The following KCND3 variants were observed in gnomAD, a reference collection of about 807,000 sequenced individuals.
The protein encoded by KCND3 is potassium voltage-gated channel subfamily D member 3.
KCND3 carries 9 observed loss-of-function variants against 51.1 expected under a neutral mutation model. That is an observed-to-expected ratio of 0.18 (90% CI 0.11 to 0.31). The LOEUF (loss-of-function observed/expected upper bound fraction) is 0.31, where lower values mean the gene tolerates loss of function less well. Ranked by LOEUF, KCND3 falls within the 10% of genes least tolerant of loss-of-function variation. The pLI, the probability that KCND3 is intolerant of heterozygous loss-of-function variation, is 1.00. For synonymous variants in KCND3, 349 were observed against 368.0 expected (o/e 0.95, Z 0.59); for missense variants, 526 against 903.8 (o/e 0.58, Z 5.36).
At chr1:111,866,665 G>T (rs1052853873) in intron 2 of KCND3, among the ~76,000 whole-genome samples, 9 of 151,240 alleles carry the variant, frequency 6.0e-5, no homozygotes, top group African/African-American at 2.2e-4. Flanking sequence ...CACAAACGAG[G>T]TGTGACCTGT....
intron 3 of KCND3, among the ~76,000 whole-genome samples, chr1:111,783,632 G>A (rs1018790449): frequency 2.6e-5 from 4 of 152,214 alleles, no homozygotes; most frequent in African/African-American, 9.7e-5. Flanking sequence ...GAAAGAAATG[G>A]AAAGGCCAAA....
At chr1:111,803,589 A>G (rs1665424261) in intron 2 of KCND3, among the ~76,000 whole-genome samples, 1 of 152,094 alleles carries the variant, frequency 6.6e-6, no homozygotes, top group Admixed American at 6.5e-5. Context: ...ATACACTCAC[A>G]CCAGGTCGGA....
intron 2 of KCND3, among the ~76,000 whole-genome samples, chr1:111,900,090 G>T (rs1670313988): frequency 6.6e-6 from 1 of 152,094 alleles, no homozygotes; most frequent in African/African-American, 2.4e-5. Flanking sequence ...ATGGTGCTGG[G>T]GGACTATCTT....
intron 3 of KCND3, among the ~76,000 whole-genome samples, chr1:111,784,103 T>TCTCACACACACA (rs1553236798): frequency 9.9e-4 from 116 of 117,564 alleles, no homozygotes; most frequent in African/African-American, 3.0e-3. Flanking sequence ...CATTAACTTA[T>TCTCACACACACA]CACACACACA....
At chr1:111,962,109 G>A (rs529133068) in intron 2 of KCND3, among the ~76,000 whole-genome samples, 37 of 152,362 alleles carry the variant, frequency 2.4e-4, no homozygotes, top group Admixed American at 8.5e-4. Context: ...GCACGCACAT[G>A]TGCCAGGCCC....
rs144544068 is a variant in KCND3, at chr1:111,835,312, A to C, written c.1107-48206T>G. ...TGATTTTACCAACAGATATTCAGAA[A>C]ATCAGTATTTGTGTCATTTTATGTA... is the stretch of plus-strand genomic sequence containing the variant. On this transcript the variant is annotated intron_variant, in intron 2 of 7. Transcript: ENST00000302127. Among the ~76,000 whole-genome samples, 737 of 152,270 alleles carry C rather than the reference A, an allele frequency of 4.8e-3. 2 individuals are homozygous for C. Among genetic ancestry groups the C allele is most frequent in the South Asian group, 0.012 (60 of 4,822 alleles).
chr1:111,915,682 G>A (rs940898996), intron 2 of KCND3, among the ~76,000 whole-genome samples: 4 of 151,194 alleles, frequency 2.6e-5, no homozygotes, highest in Non-Finnish European at 2.9e-5. Context: ...GAACCCAGGA[G>A]GCGGAGCTTG....
chr1:111,878,962 G>A (rs1055820340), intron 2 of KCND3, among the ~76,000 whole-genome samples: 1 of 152,156 alleles, frequency 6.6e-6, no homozygotes, highest in Admixed American at 6.5e-5. Flanking sequence ...TTAAAGGCCT[G>A]AATAGGACAA....
intron 2 of KCND3, among the ~76,000 whole-genome samples, chr1:111,908,009 G>A (rs1330604094): frequency 6.6e-6 from 1 of 152,098 alleles, no homozygotes; most frequent in Non-Finnish European, 1.5e-5. Flanking sequence ...GTGCCTCCTA[G>A]GGACTAAGGA....
At chr1:111,875,053 G>A (rs138923201) in intron 2 of KCND3, among the ~76,000 whole-genome samples, 3 of 152,292 alleles carry the variant, frequency 2.0e-5, no homozygotes, top group African/African-American at 7.2e-5. Flanking sequence ...CCGAGGAGAC[G>A]CTTTGGTTCC....
At chr1:111,941,939 G>C (rs2995813) in intron 2 of KCND3, among the ~76,000 whole-genome samples, 132,172 of 152,216 alleles carry the variant, frequency 0.87, 57,755 homozygotes, top group Middle Eastern at 0.93. Flanking sequence ...AGAGCCTTGA[G>C]CTGCTGCCAA....
At position 111,818,894 on chromosome 1, in the gene KCND3, G is replaced by A. The variant is rs114238413; in HGVS notation, c.1107-31788C>T. On this transcript the variant is annotated intron_variant, in intron 2 of 7. Coordinates refer to ENST00000302127, the MANE Select transcript of KCND3 (RefSeq NM_001378969.1). Reference sequence around the variant, plus strand: ...GCCCTAAACATTACACTTTTGTCCCGCAAAGAAGAGACCCAAGAAAAGAAA... The same window carrying A: ...GCCCTAAACATTACACTTTTGTCCCACAAAGAAGAGACCCAAGAAAAGAAA... Among the ~76,000 whole-genome samples, 671 of 152,234 alleles carry A rather than the reference G, an allele frequency of 4.4e-3. 6 individuals carry two copies. The highest frequency in any genetic ancestry group is 0.015 in the African/African-American group (630 of 41,524).
chr1:111,904,352 A>G (rs1002070485), intron 2 of KCND3, among the ~76,000 whole-genome samples: 2 of 151,974 alleles, frequency 1.3e-5, no homozygotes, highest in African/African-American at 4.8e-5. Context: ...CCCAAGGCCT[A>G]TGGGTGGGGT....
intron 2 of KCND3, among the ~76,000 whole-genome samples, chr1:111,838,410 C>T (rs987778363): frequency 1.3e-5 from 2 of 152,160 alleles, no homozygotes; most frequent in African/African-American, 4.8e-5. Context: ...GACATCCCAG[C>T]GCGTTGGGAG....
chr1:111,960,214 C>G (rs561592926), intron 2 of KCND3, among the ~76,000 whole-genome samples: 2 of 152,256 alleles, frequency 1.3e-5, no homozygotes, highest in East Asian at 3.9e-4. Flanking sequence ...TGGACCAAAG[C>G]CCTCCATACC....
At chr1:111,781,131 T>C (rs1664365071) in intron 3 of KCND3, among the ~76,000 whole-genome samples, 1 of 152,206 alleles carries the variant, frequency 6.6e-6, no homozygotes, top group South Asian at 2.1e-4. Flanking sequence ...AGTTTTCTTA[T>C]CTCTAACTAA....
intron 2 of KCND3, among the ~76,000 whole-genome samples, chr1:111,961,380 C>T (rs994232415): frequency 2.0e-5 from 3 of 152,210 alleles, no homozygotes; most frequent in East Asian, 1.9e-4. Flanking sequence ...TCCTCGTTCC[C>T]TCCAGGCAGT....
intron 2 of KCND3, among the ~76,000 whole-genome samples, chr1:111,891,516 C>T (rs1199456839): frequency 6.6e-6 from 1 of 152,148 alleles, no homozygotes; most frequent in Non-Finnish European, 1.5e-5. Flanking sequence ...GGTATGTGCC[C>T]TCCCTCAGCT....
At chr1:111,870,935 A>T (rs545417469) in intron 2 of KCND3, among the ~76,000 whole-genome samples, 2 of 152,340 alleles carry the variant, frequency 1.3e-5, no homozygotes, top group Non-Finnish European at 2.9e-5. Flanking sequence ...TAACATCCAC[A>T]CATAGGGGGA....
Sources: allele counts gnomAD v4.1 joint callset (sites outside exome capture counted in the v4.1 genomes callset), GRCh38; gene constraint gnomAD v4.1.1; transcripts MANE v1.5; gene names NCBI Gene and HGNC (gene_info 2026-07-23, HGNC 2026-07-21).